Variants in C2CD3 observed in about 807,000 individuals in gnomAD.
C2CD3 encodes C2 domain-containing protein 3.
In C2CD3, 148 loss-of-function variants were observed where a neutral mutation model predicts 234.0. The observed-to-expected ratio is 0.63, with a 90% CI of 0.55 to 0.72. The LOEUF is 0.72. Among genes scored for constraint, C2CD3 ranks in the 30% least tolerant of loss-of-function variants. C2CD3 has a pLI of 0.00. For synonymous variants in C2CD3, 1,000 were observed against 1,035.4 expected, an observed-to-expected ratio of 0.97 and a Z score of 0.66; for missense variants, 2,577 against 2,811.5, an observed-to-expected ratio of 0.92 and a Z score of 1.89.
At position 74,064,851 on chromosome 11, in the gene C2CD3, A is replaced by T. The variant is rs1364243373; in HGVS notation, c.4952-7307T>A. Among the ~76,000 whole-genome samples, 5 of 152,230 alleles carry T rather than the reference A, an allele frequency of 3.3e-5. No individual in the cohort carries two copies. The East Asian group carries it at 9.6e-4, about 29-fold the overall frequency. ...CCCTATTTAATAAATGGTGCTGGGA[A>T]AACTGGCTAGCCATATGTAGAAAGC... On this transcript the variant is annotated intron_variant, in intron 24 of 32. Coordinates refer to ENST00000334126, the MANE Select transcript of C2CD3 (RefSeq NM_001286577.2).
chr11:74,085,379 C>T (rs1394139944), intron 21 of C2CD3: 3 of 505,140 alleles, frequency 5.9e-6, no homozygotes, highest in African/African-American at 1.9e-5. Context: ...AACTCCTACA[C>T]ACCCTTCATC....
At chr11:74,054,854 G>A (rs569473731) in intron 25 of C2CD3, among the ~76,000 whole-genome samples, 183 bp from the exon 26 acceptor site, 1 of 152,268 alleles carries the variant, frequency 6.6e-6, no homozygotes, top group African/African-American at 2.4e-5. Context: ...AGCTCAGAGA[G>A]GTGAAGTAAC....
intron 26 of C2CD3, among the ~76,000 whole-genome samples, chr11:74,051,201 T>C (rs959155511): frequency 1.4e-5 from 2 of 146,958 alleles, no homozygotes; most frequent in Non-Finnish European, 2.9e-5. Flanking sequence ...AAGGCTGAGG[T>C]GGGAGGACTG....
chr11:74,032,901 A>G (rs1952580505), intron 31 of C2CD3, among the ~76,000 whole-genome samples: 1 of 151,832 alleles, frequency 6.6e-6, no homozygotes, highest in Non-Finnish European at 1.5e-5. Flanking sequence ...ACTGAGCATC[A>G]GTTTCCTTAT....
intron 3 of C2CD3, among the ~76,000 whole-genome samples, chr11:74,151,873 A>G (rs781731020): frequency 6.6e-6 from 1 of 152,190 alleles, no homozygotes; most frequent in Non-Finnish European, 1.5e-5. Context: ...AAAAAAGAAA[A>G]TGTACATTAA....
intron 19 of C2CD3, among the ~76,000 whole-genome samples, chr11:74,092,031 T>C (rs954636983): frequency 3.3e-5 from 5 of 151,316 alleles, no homozygotes; most frequent in Non-Finnish European, 5.9e-5. Context: ...TATATATATA[T>C]ATGTGTGTGT....
rs908642836 is a variant in C2CD3 at position 74,092,480 on chromosome 11, C to T, written c.3453G>A (p.Gln1151=). Residue 1151 remains glutamine (Q), a synonymous_variant, in exon 19 of 33, where the codon CAG becomes CAA. Coordinates refer to ENST00000334126, the MANE Select transcript of C2CD3 (RefSeq NM_001286577.2). ...TTQHREDVGI[Q]TFNLPLTPRI... ...TGGGGGTTAAAGGGAGATTAAAGGT[C>T]TGTATTCCCACATCCTCACGATGCT... The T allele has an allele frequency of 1.2e-6, 2 of 1,613,596 alleles. No individual in the cohort carries two copies. The highest frequency in any genetic ancestry group is 1.3e-5 in the African/African-American group (1 of 74,888).
At chr11:74,099,511 C>T (rs1956230717) in intron 15 of C2CD3, among the ~76,000 whole-genome samples, 1 of 152,152 alleles carries the variant, frequency 6.6e-6, no homozygotes, top group Non-Finnish European at 1.5e-5. Context: ...ATGTAAAACA[C>T]AACATTTAAA....
chr11:74,029,111 TCTC>T (rs1411200376), intron 31 of C2CD3, among the ~76,000 whole-genome samples: 3 of 152,210 alleles, frequency 2.0e-5, no homozygotes, highest in East Asian at 3.8e-4. Context: ...ATCTTGCACT[TCTC>T]CTCCGTATCT....
At chr11:74,082,421 G>C (rs1262330606) in intron 22 of C2CD3, among the ~76,000 whole-genome samples, 1 of 151,956 alleles carries the variant, frequency 6.6e-6, no homozygotes, top group Non-Finnish European at 1.5e-5. Flanking sequence ...GGCTGACTGT[G>C]GGTTTATCAT....
intron 20 of C2CD3, among the ~76,000 whole-genome samples, chr11:74,090,587 A>C (rs1379356199): frequency 1.3e-5 from 2 of 152,242 alleles, no homozygotes; most frequent in South Asian, 2.1e-4. Context: ...AGAAAGGCAC[A>C]GGATAAAATT....
intron 12 of C2CD3, among the ~76,000 whole-genome samples, chr11:74,108,755 A>G (rs1460316356): frequency 6.6e-6 from 1 of 152,148 alleles, no homozygotes; most frequent in Non-Finnish European, 1.5e-5. Context: ...CTTCATCTGT[A>G]AAACAAATAT....
chr11:74,146,624 T>C (rs1274458757), intron 3 of C2CD3, among the ~76,000 whole-genome samples: 1 of 151,790 alleles, frequency 6.6e-6, no homozygotes, highest in Non-Finnish European at 1.5e-5. Flanking sequence ...AAGATCTAAA[T>C]CCAAGGTGGC....
At chr11:74,071,554 C>A (rs1954792626) in intron 24 of C2CD3, among the ~76,000 whole-genome samples, 1 of 152,176 alleles carries the variant, frequency 6.6e-6, no homozygotes, top group African/African-American at 2.4e-5. Flanking sequence ...TCGGTCTCCT[C>A]ATTTGTGAAA....
At chr11:74,107,495 A>G (rs1379315341) in intron 12 of C2CD3, among the ~76,000 whole-genome samples, 5 of 152,262 alleles carry the variant, frequency 3.3e-5, no homozygotes, top group Admixed American at 6.5e-5. Context: ...CATAACATGT[A>G]GCCATTAAAA....
At chr11:74,099,190 G>T (rs1184040110) in intron 15 of C2CD3, among the ~76,000 whole-genome samples, 1 of 152,186 alleles carries the variant, frequency 6.6e-6, no homozygotes, top group Admixed American at 6.5e-5. Context: ...TGGCATCCAC[G>T]ATTCCAGCAG....
intron 8 of C2CD3, among the ~76,000 whole-genome samples, chr11:74,119,620 T>C (rs924972256): frequency 3.9e-5 from 6 of 151,920 alleles, no homozygotes; most frequent in African/African-American, 1.5e-4. Flanking sequence ...GAATGTCTTC[T>C]TGGAAGCAAT....
Position 74,092,509 on chromosome 11 carries a change from T to C in C2CD3, c.3424A>G (p.Thr1142Ala), listed in dbSNP as rs746953208. Residue 1142 changes from threonine (T) to alanine (A), a missense_variant, in exon 19 of 33, where the codon ACC (threonine) becomes GCC (alanine). Transcript: ENST00000334126. ...PLSRICAMVTTQHREDVGIQT... is the reference protein window; with the variant it reads ...PLSRICAMVTAQHREDVGIQT... The stretch of plus-strand genomic sequence containing the variant: ...ATTCCCACATCCTCACGATGCTGGG[T>C]GGTTACCATAGCACAGATCCTTGAT... The C allele has an allele frequency of 3.5e-5, 56 of 1,613,170 alleles. No individual in the cohort carries two copies. The highest frequency in any genetic ancestry group is 4.3e-5 in the Non-Finnish European group (51 of 1,179,248).
intron 24 of C2CD3, chr11:74,070,512 GT>G (rs1409921117): frequency 6.6e-6 from 1 of 152,180 alleles, no homozygotes; most frequent in Non-Finnish European, 1.5e-5. Context: ...CTACCAGAAA[GT>G]TTCTGTCGCC....
Sources: allele counts gnomAD v4.1 joint callset (sites outside exome capture counted in the v4.1 genomes callset), GRCh38; gene constraint gnomAD v4.1.1; transcripts MANE v1.5; gene names NCBI Gene and HGNC (gene_info 2026-07-23, HGNC 2026-07-21).